The following SNX22 variants were observed in gnomAD, a reference collection of about 807,000 sequenced individuals.
SNX22 encodes sorting nexin 22, also known as sorting nexin-22.
SNX22 carries 23 observed loss-of-function variants against 24.7 expected under a neutral mutation model. The ratio of observed to expected loss-of-function variants is 0.93; its 90% CI spans 0.67 to 1.32. The LOEUF (loss-of-function observed/expected upper bound fraction) is 1.32. Among genes scored for constraint, SNX22 ranks in the 40% most tolerant of loss-of-function variants. SNX22 has a pLI of 0.00. For synonymous variants in SNX22, 99 were observed against 104.0 expected, an observed-to-expected ratio of 0.95 and a Z score of 0.29; for missense variants, 261 against 249.9, an observed-to-expected ratio of 1.04 and a Z score of -0.30.
rs972607985 is a variant in SNX22 at position 64,156,540 on chromosome 15, G to A, written c.*2032G>A. The A allele has an allele frequency of 5.1e-6, 4 of 783,084 alleles. No individual in the cohort carries two copies. The highest frequency in any genetic ancestry group is 5.1e-5 in the African/African-American group (3 of 58,878). 48.5% of individuals were successfully genotyped at this position (783,084 alleles called of 1,614,324 possible). ...GCCTTCCTGGCTGGGCTCTGAGGGGGCTGGAAGAATTTAGAACCTTGGAGG... is the reference window on the plus strand; with the variant it reads ...GCCTTCCTGGCTGGGCTCTGAGGGGACTGGAAGAATTTAGAACCTTGGAGG... On this transcript the variant is annotated 3_prime_UTR_variant, in exon 7 of 7. Coordinates refer to ENST00000325881, the MANE Select transcript of SNX22 (RefSeq NM_024798.3). The surrounding 1 kb of genome is among the most constrained non-coding windows in gnomAD (Gnocchi z 6.4).
chr15:64,156,965 C>A lies in SNX22; in HGVS notation c.*2457C>A. The A allele has an allele frequency of 6.4e-7, 1 of 1,571,128 alleles. No individual in the cohort carries two copies. ...GCTGGATTGCGCCAAACCAAGCAGA[C>A]ATTCGGGGCCAGGACTGAGGGGGCT... On this transcript the variant is annotated 3_prime_UTR_variant, in exon 7 of 7. Transcript: ENST00000325881. This position sits in a 1 kb window ranked among gnomAD's most constrained non-coding sequence, Gnocchi z 6.4.
At chr15:64,152,046 C>T (rs2081489989) in intron 1 of SNX22, 196 bp downstream of exon 1, 1 of 746,572 alleles carries the variant, frequency 1.3e-6, no homozygotes, top group South Asian at 2.2e-5. Context: ...CTTGAGGGAC[C>T]CCAGGGCTCC....
At position 64,155,701 on chromosome 15, in the gene SNX22, C is replaced by T; in HGVS notation, c.*1193C>T. 1 of 341,348 alleles carries T rather than the reference C, an allele frequency of 2.9e-6. No homozygotes were observed. The highest frequency in any genetic ancestry group is 7.0e-5 in the East Asian group (1 of 14,234). 21.1% of individuals were successfully genotyped at this position (341,348 alleles called of 1,614,324 possible). ...CTGGGTAGCTCCTGGGTCAAAATTTCAGGCAGGATCCCAGGGAAGGGGCAG... is the reference window on the plus strand; with the variant it reads ...CTGGGTAGCTCCTGGGTCAAAATTTTAGGCAGGATCCCAGGGAAGGGGCAG... On this transcript the variant is annotated 3_prime_UTR_variant, in exon 7 of 7. Coordinates refer to ENST00000325881, the MANE Select transcript of SNX22 (RefSeq NM_024798.3).
At chr15:64,153,508 C>T (rs1249537397) in intron 4 of SNX22, 144 bp from the exon 5 acceptor site, 1 of 1,491,918 alleles carries the variant, frequency 6.7e-7, no homozygotes, top group Non-Finnish European at 9.3e-7. Context: ...ACTTGGTTAC[C>T]CCCGCCACCT....
chr15:64,153,783 T>C, intron 5 of SNX22, 99 bp downstream of exon 5: 1 of 1,599,436 alleles, frequency 6.3e-7, no homozygotes, highest in Non-Finnish European at 8.6e-7. Context: ...GCCTGGGCCC[T>C]GAAGTCTGTT....
chr15:64,152,714 G>A lies in SNX22; in HGVS notation c.236G>A (p.Arg79His). ...TGGAGGACCAGAGGGTTGGAACAGC[G>A]CCGGCAGGGCTTGGAGGCTTACATC... is the stretch of plus-strand genomic sequence containing the variant. ...PNWRTRGLEQ[R>H]RQGLEAYIQG... The change falls in exon 3 of 7, where the codon CGC becomes CAC. Residue 79 changes from arginine to histidine, a missense_variant. Coordinates refer to ENST00000325881, the MANE Select transcript of SNX22 (RefSeq NM_024798.3). 2 of 1,614,196 alleles carry A rather than the reference G, an allele frequency of 1.2e-6. No homozygotes were observed. Among genetic ancestry groups the A allele is most frequent in the African/African-American group, 1.3e-5 (1 of 75,058 alleles).
chr15:64,156,277 C>G lies in SNX22; in HGVS notation c.*1769C>G. 1.7e-6 allele frequency: 2 copies of G among 1,184,076 alleles called. No homozygotes were observed. The highest frequency in any genetic ancestry group is 2.4e-6 in the Non-Finnish European group (2 of 817,634). 73.3% of individuals were successfully genotyped at this position (1,184,076 alleles called of 1,614,324 possible). On this transcript the variant is annotated 3_prime_UTR_variant, in exon 7 of 7. Coordinates refer to ENST00000325881, the MANE Select transcript of SNX22 (RefSeq NM_024798.3). The surrounding 1 kb of genome is among the most constrained non-coding windows in gnomAD (Gnocchi z 6.4). ...CAACAGCACACAAAACTGGAGGCAC[C>G]AAAATTCTAACAGACTCCTGGCCAG...
chr15:64,152,478 G>A, intron 2 of SNX22, 152 bp downstream of exon 2: 2 of 1,201,360 alleles, frequency 1.7e-6, no homozygotes, highest in South Asian at 1.3e-5. Flanking sequence ...GCCTCTGTGG[G>A]TGGGTTGGGG....
Position 64,156,031 on chromosome 15 carries a change from T to A in SNX22, c.*1523T>A. On this transcript the variant is annotated 3_prime_UTR_variant, in exon 7 of 7. Transcript: ENST00000325881. The surrounding 1 kb of genome is among the most constrained non-coding windows in gnomAD (Gnocchi z 6.4). Reference sequence around the variant, plus strand: ...AAAGATGTCCCTGTGCCCTACTCCTTGGCGATGGCAAAGGGCTTCTCCACC... The same window carrying A: ...AAAGATGTCCCTGTGCCCTACTCCTAGGCGATGGCAAAGGGCTTCTCCACC... The A allele has an allele frequency of 1.2e-6, 2 of 1,614,168 alleles. No homozygotes were observed. The highest frequency in any genetic ancestry group is 1.7e-6 in the Non-Finnish European group (2 of 1,180,022).
chr15:64,153,714 C>T (rs1299039476), intron 5 of SNX22, 30 bp downstream of exon 5: 1 of 1,613,814 alleles, frequency 6.2e-7, no homozygotes, highest in African/African-American at 1.3e-5. Context: ...CGCGCTTGGC[C>T]CCTGCTGCCC....
rs189724339 is a variant in SNX22, at chr15:64,154,249, G to A, written c.461-138G>A. 70 of 1,578,872 alleles carry A rather than the reference G, an allele frequency of 4.4e-5. 1 individual carries two copies. The Admixed American group carries it at 8.4e-4, about 19-fold the overall frequency. ...TGAAAAGAATGTGACCTGGGAATGC[G>A]GAGGCTTCATTTGGGGTGGACAGCT... On this transcript the variant is annotated intron_variant, in intron 6 of 6. Transcript: ENST00000325881.
chr15:64,153,879 T>C lies in SNX22; in HGVS notation c.393-56T>C, dbSNP rs369827792. 27 of 1,595,044 alleles carry C rather than the reference T, an allele frequency of 1.7e-5. 1 individual carries two copies. The African/African-American group carries it at 3.0e-4, about 17-fold the overall frequency. ...GATGGCAACCCCGTCTCCACCCCTC[T>C]GTGGGATTCTGCCCTGCCTCCCGCA... On this transcript the variant is annotated intron_variant, in intron 5 of 6. Transcript: ENST00000325881.
At position 64,156,884 on chromosome 15, in the gene SNX22, G is replaced by A; in HGVS notation, c.*2376G>A. ...GCTTCAGTTTGAAGTTCTCATCGGG[G>A]AAGCGCTCACCGTAGATGCTCTTTC... On this transcript the variant is annotated 3_prime_UTR_variant, in exon 7 of 7. Coordinates refer to ENST00000325881, the MANE Select transcript of SNX22 (RefSeq NM_024798.3). The surrounding 1 kb of genome is among the most constrained non-coding windows in gnomAD (Gnocchi z 6.4). 2.5e-6 allele frequency: 4 copies of A among 1,614,182 alleles called. No homozygotes were observed. The highest frequency in any genetic ancestry group is 3.4e-6 in the Non-Finnish European group (4 of 1,180,028).
At position 64,156,150 on chromosome 15, in the gene SNX22, A is replaced by AAAAG; in HGVS notation, c.*1647_*1650dup. 2 of 1,614,036 alleles carry AAAAG rather than the reference A, an allele frequency of 1.2e-6. No individual in the cohort carries two copies. The highest frequency in any genetic ancestry group is 1.7e-6 in the Non-Finnish European group (2 of 1,180,014). Reference sequence around the variant, plus strand: ...CTCCACCTTCCGCACCACCTCCTGGAAAAGAAAGGTGGAAGCAGGAGGGCA... The same window carrying AAAAG: ...CTCCACCTTCCGCACCACCTCCTGGAAAAGAAAGAAAGGTGGAAGCAGGAGGGCA... On this transcript the variant is annotated 3_prime_UTR_variant, in exon 7 of 7. Coordinates refer to ENST00000325881, the MANE Select transcript of SNX22 (RefSeq NM_024798.3). This position sits in a 1 kb window ranked among gnomAD's most constrained non-coding sequence, Gnocchi z 6.4.
intron 3 of SNX22, 46 bp from the exon 4 acceptor site, chr15:64,153,199 A>G (rs1343457021): frequency 6.2e-7 from 1 of 1,611,640 alleles, no homozygotes. Flanking sequence ...TGCGCTATGC[A>G]AATTAGTAGC....
intron 4 of SNX22, 59 bp downstream of exon 4, chr15:64,153,398 T>A: frequency 1.2e-6 from 2 of 1,607,230 alleles, no homozygotes; most frequent in Middle Eastern, 1.7e-4. Flanking sequence ...TGAGGAAAGG[T>A]GTTGGAGGGC....
chr15:64,152,593 G>A (rs2081495026), intron 2 of SNX22, 45 bp from the exon 3 acceptor site: 1 of 1,567,910 alleles, frequency 6.4e-7, no homozygotes, highest in Admixed American at 1.7e-5. Context: ...AGGGCTTGAG[G>A]GCTCAGTCGG....
chr15:64,152,883 C>G, intron 3 of SNX22, 141 bp downstream of exon 3: 1 of 709,472 alleles, frequency 1.4e-6, no homozygotes, highest in Non-Finnish European at 2.3e-6. Flanking sequence ...TTTTCTGAGT[C>G]TAATATAGGT....
rs2081526772 is a variant in SNX22 at position 64,155,967 on chromosome 15, G to A, written c.*1459G>A. 1 of 1,613,132 alleles carries A rather than the reference G, an allele frequency of 6.2e-7. No homozygotes were observed. Among genetic ancestry groups the A allele is most frequent in the Non-Finnish European group, 8.5e-7 (1 of 1,179,866 alleles). ...CGGGGCCAGTGCAGCTCAGAGCCCTGTGGCGGACTACAGGGCCTGCACAGA... is the reference window on the plus strand; with the variant it reads ...CGGGGCCAGTGCAGCTCAGAGCCCTATGGCGGACTACAGGGCCTGCACAGA... On this transcript the variant is annotated 3_prime_UTR_variant, in exon 7 of 7. Coordinates refer to ENST00000325881, the MANE Select transcript of SNX22 (RefSeq NM_024798.3).
Sources: allele counts gnomAD v4.1 joint callset, GRCh38; gene constraint gnomAD v4.1.1; non-coding constraint Gnocchi (gnomAD v3.1); transcripts MANE v1.5; gene names NCBI Gene and HGNC (gene_info 2026-07-23, HGNC 2026-07-21).